RNF17: variants seen among roughly 807,000 people sequenced by gnomAD.
The protein encoded by RNF17 is spermatogenesis associated 23.
Under a neutral mutation model 200.5 loss-of-function variants are expected in RNF17, and 31 were observed. That is an observed-to-expected ratio of 0.15 (90% confidence interval 0.12 to 0.21). The LOEUF is 0.21. Among genes scored for constraint, RNF17 ranks in the 10% least tolerant of loss-of-function variants. The probability of loss-of-function intolerance (pLI) is 1.00; values close to 1 mark genes in which losing one functional copy is unlikely to be tolerated. For missense variants in RNF17, 1,628 were observed against 1,905.1 expected (o/e 0.85, Z 2.71); for synonymous variants, 606 against 637.8 (o/e 0.95, Z 0.75).
upstream of RNF17, among the ~76,000 whole-genome samples, chr13:24,760,110 C>T (rs2137821443): frequency 6.6e-6 from 1 of 152,256 alleles, no homozygotes; most frequent in Middle Eastern, 3.4e-3. Flanking sequence ...CACTGCACGC[C>T]AGCCTGGGTG....
In RNF17 at chr13:24,870,572, T is replaced by C; in HGVS notation, c.4280T>C (p.Val1427Ala). 1.2e-6 allele frequency: 2 copies of C among 1,610,774 alleles called. No homozygotes were observed. Among genetic ancestry groups the C allele is most frequent in the Non-Finnish European group, 1.7e-6 (2 of 1,178,402 alleles). ...TTTCCTTTCATTCTCCCCACTTAGG[T>C]GTATATTTGCCTTGATTCTATAGAA... is the stretch of plus-strand genomic sequence containing the variant. ...QVKHVVSPNEVYICLDSIETS... is the reference protein window; with the variant it reads ...QVKHVVSPNEAYICLDSIETS... Residue 1427 changes from valine to alanine, a missense_variant and splice_region_variant, in exon 32 of 36, where the codon GTG (valine) becomes GCG (alanine). Val to Ala is a moderately conservative substitution (Grantham distance 64, BLOSUM62 0). Transcript: ENST00000255324.
chr13:24,846,782 C>T (rs568339861), intron 22 of RNF17, among the ~76,000 whole-genome samples: 6 of 152,108 alleles, frequency 3.9e-5, no homozygotes, highest in African/African-American at 7.2e-5. Context: ...TGTCCTGGGC[C>T]GTGTGCAGGT....
chr13:24,870,358 A>G (rs1426214288), intron 31 of RNF17, among the ~76,000 whole-genome samples: 1 of 152,146 alleles, frequency 6.6e-6, no homozygotes, highest in Non-Finnish European at 1.5e-5. Flanking sequence ...TGCTGGGATT[A>G]TAGGCATGAG....
intron 26 of RNF17, among the ~76,000 whole-genome samples, chr13:24,860,730 C>A (rs537360794): frequency 6.6e-6 from 1 of 151,768 alleles, no homozygotes; most frequent in African/African-American, 2.4e-5. Context: ...CCAATAAAAC[C>A]CAGTTTTTTT....
intron 15 of RNF17, among the ~76,000 whole-genome samples, chr13:24,813,262 G>A (rs1025493496): frequency 6.6e-6 from 1 of 151,538 alleles, no homozygotes; most frequent in Admixed American, 6.6e-5. Context: ...TAGGCTCAAG[G>A]GATCCTCTAG....
chr13:24,864,835 GT>G, intron 28 of RNF17, 37 bp from the exon 29 acceptor site: 2 of 1,417,484 alleles, frequency 1.4e-6, no homozygotes, highest in South Asian at 1.2e-5. Context: ...ATCAAGTGGA[GT>G]TTATTTTTAT....
intron 33 of RNF17, 131 bp downstream of exon 33, chr13:24,874,380 C>A: frequency 3.2e-6 from 2 of 627,644 alleles, no homozygotes; most frequent in Non-Finnish European, 4.8e-6. Context: ...GAATTTTTTT[C>A]GTGTTAAAGT....
chr13:24,827,721 A>AC (rs201412874), intron 16 of RNF17, among the ~76,000 whole-genome samples: 1 of 147,544 alleles, frequency 6.8e-6, no homozygotes, highest in Non-Finnish European at 1.5e-5. Context: ...AAAAAAACAA[A>AC]AAAAAAAAAA....
downstream of RNF17, among the ~76,000 whole-genome samples, chr13:24,880,403 C>T (rs965174477): frequency 1.3e-5 from 2 of 152,226 alleles, no homozygotes; most frequent in Non-Finnish European, 1.5e-5. Flanking sequence ...TGGGTGGGAA[C>T]ACAGCCAAAG....
intron 13 of RNF17, 120 bp downstream of exon 13, chr13:24,800,654 A>G (rs550179553): frequency 1.5e-6 from 1 of 654,862 alleles, no homozygotes. Context: ...TACATAGTGC[A>G]TATTAAACTG....
Position 24,831,587 on chromosome 13 carries a change from A to C in RNF17, c.2362-271A>C, listed in dbSNP as rs1363898497. ...ATCATCCTGTAACCTGCTTTTTACA[A>C]GTAATTAATGTATCATAAGTGTCTG... On this transcript the variant is annotated intron_variant, in intron 17 of 35. Transcript: ENST00000255324. Among the ~76,000 whole-genome samples, 3 of 152,356 alleles carry C rather than the reference A, an allele frequency of 2.0e-5. No homozygotes were observed. In the East Asian group the frequency reaches 5.8e-4, roughly 29 times the overall value.
At chr13:24,819,095 A>ATG (rs1887738648) in intron 15 of RNF17, among the ~76,000 whole-genome samples, 3 of 152,170 alleles carry the variant, frequency 2.0e-5, no homozygotes, top group Admixed American at 2.0e-4. Flanking sequence ...TAACTTCAGT[A>ATG]GTGTTAACCA....
chr13:24,752,613 T>G, the RNF17 span, among the ~76,000 whole-genome samples: 1 of 152,198 alleles, frequency 6.6e-6, no homozygotes, highest in African/African-American at 2.4e-5. Context: ...TCAAGATAAT[T>G]AAAGGATGTC....
In RNF17 at chr13:24,841,145, A is replaced by G. The variant is rs1346911625; in HGVS notation, c.2483-896A>G. Among the ~76,000 whole-genome samples, 3 of 152,334 alleles carry G rather than the reference A, an allele frequency of 2.0e-5. No homozygotes were observed. In the East Asian group the frequency reaches 5.8e-4, roughly 29 times the overall value. ...GTACCATAAATAAGTAAATAGACAC[A>G]TGAGACACAAGCCTTACTTACACTC... On this transcript the variant is annotated intron_variant, in intron 18 of 35. Transcript: ENST00000255324.
intron 9 of RNF17, among the ~76,000 whole-genome samples, chr13:24,790,015 G>C (rs1312956558): frequency 1.1e-4 from 16 of 152,070 alleles, no homozygotes; most frequent in Admixed American, 1.0e-3. Flanking sequence ...AACACTGCTA[G>C]GCACTAACAC....
At chr13:24,841,516 A>T (rs1380055207) in intron 18 of RNF17, among the ~76,000 whole-genome samples, 1 of 152,220 alleles carries the variant, frequency 6.6e-6, no homozygotes, top group Non-Finnish European at 1.5e-5. Context: ...ACCTAAAATA[A>T]AATGTTCACT....
At chr13:24,828,069 G>C (rs1018413567) in intron 16 of RNF17, among the ~76,000 whole-genome samples, 4 of 152,144 alleles carry the variant, frequency 2.6e-5, no homozygotes, top group African/African-American at 4.8e-5. Context: ...GTATAGTTTC[G>C]TAAATATCTT....
At chr13:24,822,901 T>A (rs1188417596) in intron 15 of RNF17, among the ~76,000 whole-genome samples, 1 of 152,204 alleles carries the variant, frequency 6.6e-6, no homozygotes, top group Non-Finnish European at 1.5e-5. Flanking sequence ...TTCAGTGAGG[T>A]CAGGAATTCT....
At chr13:24,815,419 C>G (rs78470265) in intron 15 of RNF17, among the ~76,000 whole-genome samples, 29,684 of 148,302 alleles carry the variant, frequency 0.2, 3,181 homozygotes, top group South Asian at 0.33. Flanking sequence ...AATTTGGTAG[C>G]CCTAACGGGG....
Sources: gnomAD v4.1 joint callset for allele counts (sites outside exome capture counted in the v4.1 genomes callset) on GRCh38, gnomAD v4.1.1 for gene constraint, MANE v1.5 for transcripts, NCBI Gene and HGNC (gene_info 2026-07-23, HGNC 2026-07-21) for gene names.